FKBP5: variants seen among roughly 807,000 people sequenced by gnomAD.
The protein encoded by FKBP5 is FKBP prolyl isomerase 5.
In FKBP5, 23 loss-of-function variants were observed where a neutral mutation model predicts 50.5. That is an observed-to-expected ratio of 0.46 (90% CI 0.33 to 0.65). The LOEUF (loss-of-function observed/expected upper bound fraction) is 0.65. FKBP5 is among the 30% of genes least tolerant of loss of function. The pLI is 0.02. For synonymous variants in FKBP5, 176 were observed against 190.6 expected (o/e 0.92, Z 0.63); for missense variants, 411 against 553.1 (o/e 0.74, Z 2.58).
At chr6:35,679,873 T>A (rs2151009579) in intron 1 of FKBP5, among the ~76,000 whole-genome samples, 1 of 152,256 alleles carries the variant, frequency 6.6e-6, no homozygotes, top group Non-Finnish European at 1.5e-5. Context: ...ATATAATTCA[T>A]CCATGTAACC....
At chr6:35,684,100 T>C (rs1765756169) in intron 1 of FKBP5, among the ~76,000 whole-genome samples, 5 of 151,988 alleles carry the variant, frequency 3.3e-5, no homozygotes, top group Admixed American at 3.3e-4. Context: ...TCCTTAGCTT[T>C]CACAGATGTG....
chr6:35,727,502 A>G (rs1766739494), intron 1 of FKBP5, among the ~76,000 whole-genome samples: 1 of 152,190 alleles, frequency 6.6e-6, no homozygotes, highest in African/African-American at 2.4e-5. Flanking sequence ...GCGTCGTGCC[A>G]GGGATTTCCC....
chr6:35,712,297 C>T (rs1221665174), intron 2 of FKBP5, among the ~76,000 whole-genome samples: 2 of 152,006 alleles, frequency 1.3e-5, no homozygotes, highest in African/African-American at 4.8e-5. Flanking sequence ...ACTATTAAGG[C>T]CAACTCCATC....
At chr6:35,719,942 T>C (rs1293566273) in intron 2 of FKBP5, among the ~76,000 whole-genome samples, 1 of 152,192 alleles carries the variant, frequency 6.6e-6, no homozygotes, top group Non-Finnish European at 1.5e-5. Flanking sequence ...CAAGGAGAAC[T>C]GTGCCTTCCC....
chr6:35,587,212 T>C, intron 7 of FKBP5, 95 bp from the exon 8 acceptor site: 3 of 1,123,932 alleles, frequency 2.7e-6, no homozygotes, highest in Non-Finnish European at 4.0e-6. Context: ...TAGAAGATAC[T>C]CCAAACTGAA....
At chr6:35,646,575 CAGTA>C (rs1447082710) in intron 1 of FKBP5, among the ~76,000 whole-genome samples, 2 of 152,114 alleles carry the variant, frequency 1.3e-5, no homozygotes, top group Non-Finnish European at 2.9e-5. Context: ...ATAAAAAAGA[CAGTA>C]AGGACAGACA....
At chr6:35,723,102 G>A (rs1472163835) in intron 1 of FKBP5, among the ~76,000 whole-genome samples, 6 of 152,042 alleles carry the variant, frequency 3.9e-5, no homozygotes, top group Non-Finnish European at 7.4e-5. Flanking sequence ...GCGTGGTGGC[G>A]GGGGCCTGTA....
chr6:35,681,233 T>C (rs1309253411), intron 1 of FKBP5, among the ~76,000 whole-genome samples: 1 of 152,192 alleles, frequency 6.6e-6, no homozygotes, highest in East Asian at 1.9e-4. Flanking sequence ...TTTGAGTAAA[T>C]GTATATAACA....
chr6:35,728,059 C>T (rs967475632), intron 1 of FKBP5, among the ~76,000 whole-genome samples: 2 of 152,196 alleles, frequency 1.3e-5, no homozygotes, highest in Admixed American at 6.5e-5. Context: ...CGAGCACAAA[C>T]AGGGCGAGGA....
intron 8 of FKBP5, chr6:35,581,260 A>C: frequency 1.6e-5 from 7 of 426,710 alleles, no homozygotes; most frequent in Non-Finnish European, 2.2e-5. Context: ...ATATATATAA[A>C]TATAAACATA....
At chr6:35,705,578 T>G (rs933457940) in intron 2 of FKBP5, among the ~76,000 whole-genome samples, 1 of 152,076 alleles carries the variant, frequency 6.6e-6, no homozygotes. Context: ...AAATATATTT[T>G]AATTAAATCA....
chr6:35,630,696 C>T (rs981801100), intron 3 of FKBP5, among the ~76,000 whole-genome samples: 1 of 152,232 alleles, frequency 6.6e-6, no homozygotes. Context: ...AATCCTGGCT[C>T]TGCCACTTAC....
intron 5 of FKBP5, among the ~76,000 whole-genome samples, chr6:35,597,694 A>T (rs1464217826): frequency 6.6e-6 from 1 of 152,220 alleles, no homozygotes. Context: ...TATGTGACAG[A>T]AGTTTCCTCA....
chr6:35,691,649 C>A (rs2151015969), upstream of FKBP5, among the ~76,000 whole-genome samples: 2 of 152,326 alleles, frequency 1.3e-5, no homozygotes, highest in African/African-American at 4.8e-5. Context: ...TTGCTAGCCC[C>A]ACCCACTCTC....
chr6:35,598,921 T>C (rs1047027434), intron 5 of FKBP5, among the ~76,000 whole-genome samples: 5 of 151,948 alleles, frequency 3.3e-5, no homozygotes, highest in Non-Finnish European at 7.4e-5. Flanking sequence ...TGAACTGAGA[T>C]TGCGCTACTG....
chr6:35,686,145 G>T (rs1765821150), intron 1 of FKBP5, among the ~76,000 whole-genome samples: 1 of 152,026 alleles, frequency 6.6e-6, no homozygotes, highest in African/African-American at 2.4e-5. Flanking sequence ...ATACCTGAGG[G>T]TAAATGGCTT....
intron 3 of FKBP5, among the ~76,000 whole-genome samples, chr6:35,623,144 A>AGCTACTC (rs1763897440): frequency 6.6e-6 from 1 of 152,226 alleles, no homozygotes; most frequent in African/African-American, 2.4e-5. Flanking sequence ...CCGGAGGCTG[A>AGCTACTC]GGCAGGAGAA....
chr6:35,581,279 A>G (rs1014178213), intron 8 of FKBP5: 1 of 422,088 alleles, frequency 2.4e-6, no homozygotes, highest in Non-Finnish European at 3.1e-6. Context: ...TATATAATAT[A>G]TATATAATAT....
At chr6:35,624,433 T>C (rs1355825977) in intron 3 of FKBP5, among the ~76,000 whole-genome samples, 3 of 151,932 alleles carry the variant, frequency 2.0e-5, no homozygotes, top group Non-Finnish European at 4.4e-5. Context: ...ACCTGGGAGC[T>C]GGAGGTTGCA....
Sources: gnomAD v4.1 joint callset for allele counts (sites outside exome capture counted in the v4.1 genomes callset) on GRCh38, gnomAD v4.1.1 for gene constraint, MANE v1.5 for transcripts, NCBI Gene and HGNC (gene_info 2026-07-23, HGNC 2026-07-21) for gene names.